ING1: variants seen among roughly 807,000 people sequenced by gnomAD.
ING1 encodes the protein inhibitor of growth family member 1.
A neutral mutation model predicts 23.1 loss-of-function variants in ING1; 4 were observed. That is an observed-to-expected ratio of 0.17 (90% CI 0.09 to 0.40). The LOEUF is 0.40. Ranked by LOEUF, ING1 falls within the 10% of genes least tolerant of loss-of-function variation. The pLI is 1.00. For missense variants in ING1, 256 were observed against 393.8 expected (o/e 0.65, Z 2.96); for synonymous variants, 179 against 166.4 (o/e 1.08, Z -0.58).
chr13:110,719,413 C>T lies in ING1; in HGVS notation c.321C>T (p.Asp107=), dbSNP rs1271682225. ...ELVENRTRQV[D]SHVELFEAQQ... ...TGGAGAACCGCACGCGGCAGGTGGA[C>T]AGCCACGTGGAGCTGTTCGAGGCGC... The change falls in exon 2 of 2, where the codon GAC becomes GAT. Residue 107 remains aspartate (D), a synonymous_variant. Coordinates refer to ENST00000333219, the MANE Select transcript of ING1 (RefSeq NM_198219.3). The surrounding 1 kb of genome is among the most constrained non-coding windows in gnomAD (Gnocchi z 8.9). 6.2e-7 allele frequency: 1 copy of T among 1,611,696 alleles called. No homozygotes were observed. Among genetic ancestry groups the T allele is most frequent in the African/African-American group, 1.3e-5 (1 of 75,008 alleles).
chr13:110,712,643 G>T, upstream of ING1: 1 of 584,180 alleles, frequency 1.7e-6, no homozygotes, highest in Non-Finnish European at 3.2e-6. Flanking sequence ...GGGCGACGCG[G>T]GGGAGGGCGG....
Position 110,714,138 on chromosome 13 carries a change from C to G in ING1, c.-12C>G. 6.6e-7 allele frequency: 1 copy of G among 1,523,052 alleles called. No homozygotes were observed. Among genetic ancestry groups the G allele is most frequent in the East Asian group, 2.7e-5 (1 of 37,106 alleles). The allele number at this position is 1,523,052 out of a possible 1,614,324, so 94.3% of individuals were successfully genotyped here. On this transcript the variant is annotated 5_prime_UTR_variant, in exon 1 of 2. Transcript: ENST00000333219. ...AGCCGCGCCGAGTCGCCGGGGACCT[C>G]CGGGGTGAACCATGTTGAGTCCTGC...
Position 110,713,954 on chromosome 13 carries a change from CAGGCGCTGGGGTCCCCGCGGACCCGG to C in ING1, c.-190_-165del. ...CCACCGCCACCGCGGCCCGCGCCCTCAGGCGCTGGGGTCCCCGCGGACCCGGAGGCGGCGGACGGGCTCGGCAGATG... is the reference window on the plus strand; with the variant it reads ...CCACCGCCACCGCGGCCCGCGCCCTCAGGCGGCGGACGGGCTCGGCAGATG... On this transcript the variant is annotated 5_prime_UTR_variant, in exon 1 of 2. Transcript: ENST00000333219. 1 of 1,027,672 alleles carries C rather than the reference CAGGCGCTGGGGTCCCCGCGGACCCGG, an allele frequency of 9.7e-7. No individual in the cohort carries two copies. Among genetic ancestry groups the C allele is most frequent in the Non-Finnish European group, 1.2e-6 (1 of 858,232 alleles). 63.7% of individuals were successfully genotyped at this position (1,027,672 alleles called of 1,614,324 possible). A position where few individuals can be genotyped will look rare whatever the true frequency, so the allele number is the denominator to read the frequency against.
chr13:110,713,457 G>A, upstream of ING1: 4 of 990,998 alleles, frequency 4.0e-6, no homozygotes, highest in Non-Finnish European at 4.8e-6. Flanking sequence ...TTTGCGCCTC[G>A]CCCGCCGTCC....
rs1440188957 is a variant in ING1, at chr13:110,720,634, T to G, written c.*702T>G. ...TGTACATTTCCAAATGAACTTGCACTTGTTATATTATAATTGGAAGTGCAG... is the reference window on the plus strand; with the variant it reads ...TGTACATTTCCAAATGAACTTGCACGTGTTATATTATAATTGGAAGTGCAG... On this transcript the variant is annotated 3_prime_UTR_variant, in exon 2 of 2. Coordinates refer to ENST00000333219, the MANE Select transcript of ING1 (RefSeq NM_198219.3). 1.2e-5 allele frequency: 2 copies of G among 167,116 alleles called. No homozygotes were observed. Among genetic ancestry groups the G allele is most frequent in the African/African-American group, 4.8e-5 (2 of 41,464 alleles). The allele number at this position is 167,116 out of a possible 1,614,324, so 10.4% of individuals were successfully genotyped here.
chr13:110,714,714 C>T (rs936772179), intron 1 of ING1, among the ~76,000 whole-genome samples: 5 of 152,180 alleles, frequency 3.3e-5, no homozygotes, highest in African/African-American at 1.2e-4. Flanking sequence ...GGGGTTCCCG[C>T]GGACCCGGTG....
intron 1 of ING1, chr13:110,716,041 C>G: frequency 6.8e-7 from 1 of 1,477,014 alleles, no homozygotes; most frequent in Non-Finnish European, 8.9e-7. Flanking sequence ...ACGAGGGGGA[C>G]CCTCGGCGCA....
In ING1 at chr13:110,719,605, C is replaced by T. The variant is rs773617626; in HGVS notation, c.513C>T (p.Gly171=). 1 of 1,611,504 alleles carries T rather than the reference C, an allele frequency of 6.2e-7. No homozygotes were observed. Residue 171 remains glycine (G), a synonymous_variant, in exon 2 of 2, where the codon GGC becomes GGT. Transcript: ENST00000333219. This position sits in a 1 kb window ranked among gnomAD's most constrained non-coding sequence, Gnocchi z 8.9. ...NASSNHDHDD[G]ASGTPKEKKA... Reference sequence around the variant, plus strand: ...CCAGCAACCACGACCACGACGACGGCGCCTCGGGCACACCCAAGGAGAAGA... The same window carrying T: ...CCAGCAACCACGACCACGACGACGGTGCCTCGGGCACACCCAAGGAGAAGA...
chr13:110,715,767 C>T (rs1421415934), intron 1 of ING1: 3 of 1,585,356 alleles, frequency 1.9e-6, no homozygotes, highest in South Asian at 2.2e-5. Context: ...CGGGGCGAGT[C>T]TCCCGCTGGC....
upstream of ING1, chr13:110,713,625 C>CGGGG: frequency 1.0e-6 from 1 of 983,308 alleles, no homozygotes; most frequent in Non-Finnish European, 1.2e-6. Context: ...GGGCCGTTGC[C>CGGGG]GGGGGAGGGG....
At chr13:110,713,099 G>C, upstream of ING1, 1 of 1,439,426 alleles carries the variant, frequency 6.9e-7, no homozygotes, top group Non-Finnish European at 9.1e-7. Flanking sequence ...CGGAGGACTT[G>C]GGTTTCTAGT....
chr13:110,717,534 G>A (rs1218191485), intron 1 of ING1, among the ~76,000 whole-genome samples: 1 of 152,166 alleles, frequency 6.6e-6, no homozygotes, highest in African/African-American at 2.4e-5. Flanking sequence ...TAGTTTACAA[G>A]TAGTATTGTT....
intron 1 of ING1, 35 bp downstream of exon 1, chr13:110,714,320 C>A: frequency 6.6e-7 from 1 of 1,519,478 alleles, no homozygotes; most frequent in Non-Finnish European, 8.8e-7. Context: ...GGGGCGGCCG[C>A]CTCCTTCCCG....
At chr13:110,716,081 G>C in intron 1 of ING1, 1 of 1,433,330 alleles carries the variant, frequency 7.0e-7, no homozygotes. Context: ...CTGTCCTCGG[G>C]CCGGACGGGC....
Position 110,720,149 on chromosome 13 carries a change from A to G in ING1, c.*217A>G. 2.4e-6 allele frequency: 1 copy of G among 408,508 alleles called. No homozygotes were observed. The highest frequency in any genetic ancestry group is 4.1e-5 in the East Asian group (1 of 24,482). The allele number at this position is 408,508 out of a possible 1,614,324, so 25.3% of individuals were successfully genotyped here. On this transcript the variant is annotated 3_prime_UTR_variant, in exon 2 of 2. Coordinates refer to ENST00000333219, the MANE Select transcript of ING1 (RefSeq NM_198219.3). Reference sequence around the variant, plus strand: ...GTGGTCTGTGGATCAGCATTTTAGAAACTACAAATATAGGTTTGATTCAAC... The same window carrying G: ...GTGGTCTGTGGATCAGCATTTTAGAGACTACAAATATAGGTTTGATTCAAC...
At position 110,714,128 on chromosome 13, in the gene ING1, C is replaced by T; in HGVS notation, c.-22C>T. On this transcript the variant is annotated 5_prime_UTR_variant, in exon 1 of 2. Coordinates refer to ENST00000333219, the MANE Select transcript of ING1 (RefSeq NM_198219.3). ...GGAAGCGGAAAGCCGCGCCGAGTCG[C>T]CGGGGACCTCCGGGGTGAACCATGT... 1.3e-6 allele frequency: 2 copies of T among 1,507,160 alleles called. No homozygotes were observed. The highest frequency in any genetic ancestry group is 1.8e-6 in the Non-Finnish European group (2 of 1,126,066). The allele number at this position is 1,507,160 out of a possible 1,614,324, so 93.4% of individuals were successfully genotyped here.
intron 1 of ING1, chr13:110,715,938 G>T (rs1416932297): frequency 6.4e-7 from 1 of 1,555,068 alleles, no homozygotes; most frequent in Non-Finnish European, 8.6e-7. Context: ...GACCCGCGGG[G>T]CCGGCTCGGA....
At chr13:110,713,027 G>T (rs1397629151), upstream of ING1, 5 of 1,495,560 alleles carry the variant, frequency 3.3e-6, no homozygotes, top group African/African-American at 1.4e-5. Flanking sequence ...CACCGAGAGG[G>T]TGCCAGTGCG....
At chr13:110,714,734 C>G (rs2064088799) in intron 1 of ING1, among the ~76,000 whole-genome samples, 1 of 152,202 alleles carries the variant, frequency 6.6e-6, no homozygotes, top group Admixed American at 6.5e-5. Context: ...GCCTCGGTCC[C>G]GGGCAACGCC....
Sources: allele counts gnomAD v4.1 joint callset (sites outside exome capture counted in the v4.1 genomes callset), GRCh38; gene constraint gnomAD v4.1.1; non-coding constraint Gnocchi (gnomAD v3.1); transcripts MANE v1.5; gene names NCBI Gene and HGNC (gene_info 2026-07-23, HGNC 2026-07-21).